The following CHST9 variants were observed in gnomAD, a reference collection of about 807,000 sequenced individuals.
The protein encoded by CHST9 is carbohydrate sulfotransferase 9, also known as GalNAc-4-sulfotransferase 2.
In CHST9, 41 loss-of-function variants were observed where a neutral mutation model predicts 44.4. The observed-to-expected ratio is 0.92, with a 90% CI of 0.72 to 1.20. The LOEUF (loss-of-function observed/expected upper bound fraction) is 1.20, where lower values mean the gene tolerates loss of function less well. Among genes scored for constraint, CHST9 ranks in the 50% most tolerant of loss-of-function variants. CHST9 has a pLI of 0.00. For synonymous variants in CHST9, 171 were observed against 178.4 expected, an observed-to-expected ratio of 0.96 and a Z score of 0.33; for missense variants, 504 against 516.5, an observed-to-expected ratio of 0.98 and a Z score of 0.23.
chr18:27,109,976 T>C (rs991308148), intron 2 of CHST9, among the ~76,000 whole-genome samples: 16 of 152,120 alleles, frequency 1.1e-4, no homozygotes, highest in Admixed American at 1.3e-4. Context: ...ATTTCCTTTA[T>C]TTAGGTATAA....
chr18:26,926,322 A>AT (rs1260481839), intron 5 of CHST9, among the ~76,000 whole-genome samples: 5 of 151,870 alleles, frequency 3.3e-5, no homozygotes, highest in East Asian at 1.9e-4. Flanking sequence ...TTTAATTCCT[A>AT]TTTTTTTTCT....
intron 2 of CHST9, among the ~76,000 whole-genome samples, chr18:27,135,438 A>G (rs372776486): frequency 6.6e-6 from 1 of 152,322 alleles, no homozygotes; most frequent in East Asian, 1.9e-4. Context: ...TGGAGACCTC[A>G]GACATAATGT....
intron 2 of CHST9, among the ~76,000 whole-genome samples, chr18:27,058,166 G>T (rs1306183274): frequency 6.6e-6 from 1 of 152,160 alleles, no homozygotes; most frequent in Non-Finnish European, 1.5e-5. Context: ...TCTTAATTGC[G>T]TAAGCTGCAG....
chr18:27,042,114 G>A (rs1231891745), intron 3 of CHST9, among the ~76,000 whole-genome samples: 1 of 152,120 alleles, frequency 6.6e-6, no homozygotes, highest in Non-Finnish European at 1.5e-5. Flanking sequence ...GGAAAAATGT[G>A]AGACTTTGTT....
chr18:26,944,534 A>G (rs1355511896), intron 4 of CHST9, among the ~76,000 whole-genome samples, 168 bp from the exon 5 acceptor site: 1 of 152,174 alleles, frequency 6.6e-6, no homozygotes, highest in South Asian at 2.1e-4. Context: ...TAACTGGGGA[A>G]AAAAAGCCAA....
chr18:26,945,103 GA>G (rs980555463), intron 4 of CHST9, among the ~76,000 whole-genome samples: 1 of 152,064 alleles, frequency 6.6e-6, no homozygotes, highest in Non-Finnish European at 1.5e-5. Flanking sequence ...CATGAGAAAA[GA>G]AAAGAGAGAA....
At chr18:27,010,544 A>G (rs906281453) in intron 4 of CHST9, among the ~76,000 whole-genome samples, 1 of 152,152 alleles carries the variant, frequency 6.6e-6, no homozygotes, top group East Asian at 1.9e-4. Context: ...CTTGTATCCT[A>G]ACTCCTCCTC....
intron 4 of CHST9, among the ~76,000 whole-genome samples, chr18:27,008,778 G>A (rs369111992): frequency 7.0e-4 from 107 of 152,084 alleles, no homozygotes; most frequent in African/African-American, 2.6e-3. Flanking sequence ...CACAGTGCTG[G>A]GCTCACAAGA....
At chr18:27,089,967 C>A (rs546008065) in intron 2 of CHST9, among the ~76,000 whole-genome samples, 22 of 152,064 alleles carry the variant, frequency 1.4e-4, no homozygotes, top group Admixed American at 1.4e-3. Context: ...CCCACCACCA[C>A]GCCCGGCTAA....
chr18:27,145,153 T>C (rs1034115193), intron 1 of CHST9, among the ~76,000 whole-genome samples: 8 of 152,308 alleles, frequency 5.3e-5, no homozygotes, highest in African/African-American at 1.9e-4. Context: ...AAAAATATCA[T>C]GTCATGAATA....
intron 5 of CHST9, chr18:26,935,316 T>C (rs1393395101): frequency 1.3e-5 from 2 of 152,142 alleles, no homozygotes; most frequent in African/African-American, 4.8e-5. Flanking sequence ...TAAGAGTCAT[T>C]TAGTCTCAAG....
Position 26,916,911 on chromosome 18 carries a change from C to T in CHST9, c.680G>A (p.Trp227Ter). The change falls in exon 6 of 6, where the codon TGG (tryptophan) becomes TAG (stop). Residue 227 changes from tryptophan (W) to a stop codon, truncating the protein, a stop_gained. Transcript: ENST00000618847. LOFTEE classifies it high-confidence loss of function. ...ATTTAGTACCATCAGAATTCTTTTCCAATTGGAACAGCCAGCCTTAGGTAC... is the reference window on the plus strand; with the variant it reads ...ATTTAGTACCATCAGAATTCTTTTCTAATTGGAACAGCCAGCCTTAGGTAC... ...CEVPKAGCSN[W>*]KRILMVLNGL... The T allele has an allele frequency of 6.2e-7, 1 of 1,613,780 alleles. No homozygotes were observed. Among genetic ancestry groups the T allele is most frequent in the Non-Finnish European group, 8.5e-7 (1 of 1,179,830 alleles).
At chr18:26,948,850 T>C (rs1240113057) in intron 4 of CHST9, among the ~76,000 whole-genome samples, 1 of 152,056 alleles carries the variant, frequency 6.6e-6, no homozygotes, top group Non-Finnish European at 1.5e-5. Flanking sequence ...AGTAAAGAAA[T>C]CTAAGAGGCA....
At chr18:27,030,122 T>C (rs2057325187) in intron 3 of CHST9, among the ~76,000 whole-genome samples, 1 of 152,178 alleles carries the variant, frequency 6.6e-6, no homozygotes. Flanking sequence ...AGAAGAAAAT[T>C]TGAAAGGTAC....
At chr18:27,057,591 G>C (rs1214212222) in intron 2 of CHST9, among the ~76,000 whole-genome samples, 1 of 152,216 alleles carries the variant, frequency 6.6e-6, no homozygotes, top group East Asian at 1.9e-4. Flanking sequence ...TAGGCAAAGA[G>C]AGCCATTATG....
At chr18:27,113,120 C>T (rs1001961457) in intron 2 of CHST9, among the ~76,000 whole-genome samples, 3 of 150,468 alleles carry the variant, frequency 2.0e-5, no homozygotes, top group Non-Finnish European at 2.9e-5. Context: ...ACCCGGGAGG[C>T]GGAACTTGCA....
At chr18:27,127,579 G>A (rs761275871) in intron 2 of CHST9, among the ~76,000 whole-genome samples, 2 of 152,142 alleles carry the variant, frequency 1.3e-5, no homozygotes, top group Admixed American at 6.5e-5. Context: ...AAGTTAAAGA[G>A]GAGGGAAGAA....
chr18:27,110,697 A>T (rs762556171), intron 2 of CHST9, among the ~76,000 whole-genome samples: 1 of 152,244 alleles, frequency 6.6e-6, no homozygotes, highest in African/African-American at 2.4e-5. Flanking sequence ...CCCAGCAGAC[A>T]TCCCCTCATG....
intron 2 of CHST9, among the ~76,000 whole-genome samples, chr18:27,114,146 T>A (rs1478280427): frequency 6.6e-6 from 1 of 152,180 alleles, no homozygotes; most frequent in East Asian, 1.9e-4. Context: ...AATGAGTGAA[T>A]TTTTGTGTTA....
Sources: allele counts gnomAD v4.1 joint callset (sites outside exome capture counted in the v4.1 genomes callset), GRCh38; gene constraint gnomAD v4.1.1; transcripts MANE v1.5; gene names NCBI Gene and HGNC (gene_info 2026-07-23, HGNC 2026-07-21).